CAST: variants seen among roughly 807,000 people sequenced by gnomAD.
CAST encodes the protein calpastatin.
Under a neutral mutation model 119.6 loss-of-function variants are expected in CAST, and 76 were observed. The observed-to-expected ratio is 0.64, with a 90% confidence interval of 0.53 to 0.77. The LOEUF (loss-of-function observed/expected upper bound fraction) is 0.77, where lower values mean the gene tolerates loss of function less well. Ranked by LOEUF, CAST falls within the 30% of genes least tolerant of loss-of-function variation. The pLI is 0.00. For missense variants in CAST, 953 were observed against 946.5 expected (o/e 1.01, Z -0.09); for synonymous variants, 319 against 331.6 (o/e 0.96, Z 0.41).
the CAST span, among the ~76,000 whole-genome samples, chr5:96,024,949 G>T: frequency 3.3e-5 from 5 of 152,028 alleles, no homozygotes; most frequent in African/African-American, 1.2e-4. Flanking sequence ...TCATATTCTA[G>T]GTCATATTTT....
At chr5:96,603,378 T>A (rs1366085086) in intron 1 of CAST, among the ~76,000 whole-genome samples, 1 of 152,212 alleles carries the variant, frequency 6.6e-6, no homozygotes, top group South Asian at 2.1e-4. Context: ...TATAAGCTTT[T>A]TTCTATTTTT....
chr5:96,491,527 T>TAAAAAAAAAAAAAAAAAAAA, the CAST span, among the ~76,000 whole-genome samples: 1 of 106,098 alleles, frequency 9.4e-6, no homozygotes, highest in Admixed American at 1.0e-4. Flanking sequence ...AAAAAAAAAT[T>TAAAAAAAAAAAAAAAAAAAA]AAAAAGACCA....
At chr5:96,604,300 TTC>T (rs1277582645) in intron 1 of CAST, among the ~76,000 whole-genome samples, 4 of 152,238 alleles carry the variant, frequency 2.6e-5, no homozygotes, top group Non-Finnish European at 5.9e-5. Context: ...AATCACTTGA[TTC>T]TCAATAAAGC....
chr5:96,415,646 A>G, the CAST span, among the ~76,000 whole-genome samples: 19 of 152,200 alleles, frequency 1.2e-4, no homozygotes, highest in Admixed American at 1.2e-3. Context: ...GTTCTTCTCT[A>G]TAAAGTGAAG....
rs1581481711 is a variant in CAST at position 96,772,940 on chromosome 5, A to G, written c.*324A>G. 6.5e-6 allele frequency: 1 copy of G among 154,030 alleles called. No homozygotes were observed. Among genetic ancestry groups the G allele is most frequent in the South Asian group, 2.1e-4 (1 of 4,830 alleles). The allele number at this position is 154,030 out of a possible 1,614,324, so 9.5% of individuals were successfully genotyped here. A position where few individuals can be genotyped will look rare whatever the true frequency, so the allele number is the denominator to read the frequency against. On this transcript the variant is annotated 3_prime_UTR_variant, in exon 32 of 32. Coordinates refer to ENST00000675179, the MANE Select transcript of CAST (RefSeq NM_001750.7). ...TAAAGCAACACCAAAAAAACAAAAGAAAAGCTAAGTGAATTTTTGCACATT... is the reference window on the plus strand; with the variant it reads ...TAAAGCAACACCAAAAAAACAAAAGGAAAGCTAAGTGAATTTTTGCACATT...
At chr5:96,746,567 C>T (rs1581242304) in intron 17 of CAST, 142 bp downstream of exon 17, 9 of 686,400 alleles carry the variant, frequency 1.3e-5, no homozygotes, top group East Asian at 2.5e-5. Context: ...CTTTTTTTCT[C>T]TGCTCCCTAC....
the CAST span, chr5:96,432,918 C>T: frequency 2.5e-5 from 41 of 1,613,834 alleles, no homozygotes; most frequent in Non-Finnish European, 3.2e-5. Context: ...TGCTTCCGGG[C>T]CCCCGGGGAT....
chr5:96,314,473 C>T, the CAST span, among the ~76,000 whole-genome samples: 29 of 152,348 alleles, frequency 1.9e-4, no homozygotes, highest in Non-Finnish European at 2.9e-4. Context: ...GCAAATGGGG[C>T]TCCAGTGCCT....
intron 1 of CAST, among the ~76,000 whole-genome samples, chr5:96,542,308 C>CAAAAAAAAAA (rs759173589): frequency 2.7e-5 from 1 of 37,064 alleles, no homozygotes; most frequent in African/African-American, 7.8e-5. Context: ...GACTTAGTCT[C>CAAAAAAAAAA]AAAAAAAAAA....
chr5:96,363,291 T>A, the CAST span, among the ~76,000 whole-genome samples: 2 of 149,154 alleles, frequency 1.3e-5, no homozygotes, highest in Non-Finnish European at 3.0e-5. Context: ...TTTGTTCTTT[T>A]GGCTTAGGAT....
the CAST span, chr5:96,213,807 A>T: frequency 6.6e-6 from 1 of 152,086 alleles, no homozygotes; most frequent in Non-Finnish European, 1.5e-5. Context: ...AGAAAAAAAA[A>T]TATTAAAAGG....
the CAST span, among the ~76,000 whole-genome samples, chr5:96,042,918 T>C: frequency 1.2e-4 from 18 of 152,248 alleles, no homozygotes; most frequent in East Asian, 3.5e-3. Context: ...TTTTATACTG[T>C]GTGAAGATGA....
At chr5:96,735,611 T>TG (rs1301036888) in intron 9 of CAST, among the ~76,000 whole-genome samples, 5 of 152,164 alleles carry the variant, frequency 3.3e-5, no homozygotes, top group Non-Finnish European at 4.4e-5. Context: ...GAGGGAGAGA[T>TG]GCTCCAAGGG....
chr5:96,452,142 T>G, the CAST span, among the ~76,000 whole-genome samples: 1 of 152,178 alleles, frequency 6.6e-6, no homozygotes, highest in African/African-American at 2.4e-5. Context: ...CATTACTGAG[T>G]ATATACCCAA....
In CAST at chr5:96,762,371, C is replaced by T. The variant is rs201324973; in HGVS notation, c.1931C>T (p.Ser644Leu). 4.3e-5 allele frequency: 68 copies of T among 1,584,410 alleles called. No homozygotes were observed. The highest frequency in any genetic ancestry group is 1.7e-4 in the Admixed American group (9 of 52,640). The part of the protein sequence containing the change: ...TQAGAPPRDT[S>L]QSDKDLDDAL... ...GCTGGAGCCCCACCCCGTGATACCT[C>T]GGTAAGCAGCACATCTTATTTGGGA... Residue 644 changes from serine to leucine, a missense_variant and splice_region_variant, in exon 25 of 32, where the codon TCG (serine) becomes TTG (leucine). Physicochemically the swap from Ser to Leu is moderately radical, Grantham distance 145 (BLOSUM62 -2). Transcript: ENST00000675179.
chr5:96,461,451 C>T, the CAST span, among the ~76,000 whole-genome samples: 1 of 152,080 alleles, frequency 6.6e-6, no homozygotes, highest in African/African-American at 2.4e-5. Flanking sequence ...TCCACAGCAG[C>T]TGCACCATTT....
the CAST span, among the ~76,000 whole-genome samples, chr5:96,044,559 G>T: frequency 6.6e-6 from 1 of 152,242 alleles, no homozygotes; most frequent in East Asian, 1.9e-4. Flanking sequence ...AGATAAGCAG[G>T]ATCTAGTAAG....
chr5:96,327,998 C>T, the CAST span, among the ~76,000 whole-genome samples: 1 of 152,302 alleles, frequency 6.6e-6, no homozygotes, highest in Admixed American at 6.5e-5. Flanking sequence ...CCAGATGCCC[C>T]TAATGAGCCC....
In CAST at chr5:96,742,927, A is replaced by G. The variant is rs117518349; in HGVS notation, c.1200+171A>G. Among the ~76,000 whole-genome samples the G allele has an allele frequency of 1.8e-4, 28 of 152,352 alleles. No homozygotes were observed. In the East Asian group the frequency reaches 5.4e-3, roughly 29 times the overall value. ...GTTAGCAACTAAGGGGGATAGTTAC[A>G]TGACTGACTTGTGAAACAGCTAGAA... On this transcript the variant is annotated intron_variant, in intron 16 of 31. Coordinates refer to ENST00000675179, the MANE Select transcript of CAST (RefSeq NM_001750.7).
Sources: allele counts gnomAD v4.1 joint callset (sites outside exome capture counted in the v4.1 genomes callset), GRCh38; gene constraint gnomAD v4.1.1; transcripts MANE v1.5; gene names NCBI Gene and HGNC (gene_info 2026-07-23, HGNC 2026-07-21).